Variants in CBL observed in about 807,000 individuals in gnomAD.
CBL encodes the protein Cbl proto-oncogene.
Under a neutral mutation model 96.9 loss-of-function variants are expected in CBL, and 45 were observed. That is an observed-to-expected ratio of 0.46 (90% CI 0.37 to 0.60). CBL has a LOEUF of 0.60. Among genes scored for constraint, CBL ranks in the 20% least tolerant of loss-of-function variants. The pLI, the probability that CBL is intolerant of heterozygous loss-of-function variation, is 0.00. For missense variants in CBL, 1,024 were observed against 1,143.5 expected, an observed-to-expected ratio of 0.90 and a Z score of 1.51; for synonymous variants, 420 against 426.8, an observed-to-expected ratio of 0.98 and a Z score of 0.20.
At chr11:119,234,462 C>T (rs1389211765) in intron 2 of CBL, among the ~76,000 whole-genome samples, 1 of 152,160 alleles carries the variant, frequency 6.6e-6, no homozygotes, top group Non-Finnish European at 1.5e-5. Flanking sequence ...GCTAACTAGT[C>T]ATTTTGTATT....
At chr11:119,252,524 T>A (rs1040825373) in intron 2 of CBL, among the ~76,000 whole-genome samples, 3 of 152,168 alleles carry the variant, frequency 2.0e-5, no homozygotes, top group African/African-American at 7.2e-5. Context: ...CAGGGCTTTT[T>A]AGGCCTATGT....
At chr11:119,230,240 C>T (rs541506361) in intron 1 of CBL, among the ~76,000 whole-genome samples, 1 of 152,050 alleles carries the variant, frequency 6.6e-6, no homozygotes, top group Non-Finnish European at 1.5e-5. Context: ...CAAGCTCCGC[C>T]TCCTGGGTTC....
chr11:119,295,913 AC>A (rs1414563223), intron 12 of CBL, among the ~76,000 whole-genome samples: 1 of 152,176 alleles, frequency 6.6e-6, no homozygotes, highest in Non-Finnish European at 1.5e-5. Flanking sequence ...AGATACCAAT[AC>A]ACTTCTGCCT....
rs779118601 is a variant in CBL at position 119,299,793 on chromosome 11, C to G, written c.*12C>G. ...ATGTAGCTACCTAGCACACCATCTC[C>G]CTGCTGCAGGTTTAGAGGACCAGTG... On this transcript the variant is annotated 3_prime_UTR_variant, in exon 16 of 16. Coordinates refer to ENST00000264033, the MANE Select transcript of CBL (RefSeq NM_005188.4). The G allele has an allele frequency of 6.2e-7, 1 of 1,613,430 alleles. No individual in the cohort carries two copies. The highest frequency in any genetic ancestry group is 1.3e-5 in the African/African-American group (1 of 74,930).
chr11:119,238,021 A>G (rs1002345712), intron 2 of CBL, among the ~76,000 whole-genome samples: 9 of 151,326 alleles, frequency 5.9e-5, no homozygotes, highest in Admixed American at 2.6e-4. Context: ...ACAGGTGTGC[A>G]CCAACAATCC....
intron 2 of CBL, among the ~76,000 whole-genome samples, chr11:119,263,758 A>G (rs932749731): frequency 1.3e-5 from 2 of 152,132 alleles, no homozygotes; most frequent in African/African-American, 4.8e-5. Flanking sequence ...GTTCCGTTGT[A>G]TCTATTTTTA....
In CBL at chr11:119,305,682, G is replaced by A. The variant is rs1236288302; in HGVS notation, c.*5901G>A. 1.3e-5 allele frequency: 3 copies of A among 224,956 alleles called. No homozygotes were observed. The highest frequency in any genetic ancestry group is 6.7e-5 in the African/African-American group (3 of 44,852). The allele number at this position is 224,956 out of a possible 1,614,324, so 13.9% of individuals were successfully genotyped here. ...GTTTAGGATAGAGTTTTTACCGAGA[G>A]CTCTTTAGACAGTATACCTGTGTCT... On this transcript the variant is annotated 3_prime_UTR_variant, in exon 16 of 16. Coordinates refer to ENST00000264033, the MANE Select transcript of CBL (RefSeq NM_005188.4).
At chr11:119,241,095 AAG>A (rs1344259720) in intron 2 of CBL, among the ~76,000 whole-genome samples, 2 of 152,100 alleles carry the variant, frequency 1.3e-5, no homozygotes, top group Non-Finnish European at 2.9e-5. Context: ...AAAAATAAAA[AAG>A]AATGTACATA....
chr11:119,228,584 C>T (rs1003460072), intron 1 of CBL, among the ~76,000 whole-genome samples: 7 of 148,250 alleles, frequency 4.7e-5, no homozygotes, highest in Middle Eastern at 3.5e-3. Flanking sequence ...CCAGCCTGAG[C>T]GACAAGAGCA....
intron 1 of CBL, among the ~76,000 whole-genome samples, chr11:119,212,307 A>T (rs1389803333): frequency 6.6e-6 from 1 of 152,200 alleles, no homozygotes; most frequent in African/African-American, 2.4e-5. Flanking sequence ...GCTTAAAAAA[A>T]ATTACATTTT....
rs540740007 is a variant in CBL at position 119,252,699 on chromosome 11, TACAAACAA to T, written c.444-19018_444-19011del. 7.4e-3 allele frequency among the ~76,000 whole-genome samples: 1,125 copies of T among 151,778 alleles called. 12 individuals carry two copies. Among genetic ancestry groups the T allele is most frequent in the African/African-American group, 0.022 (904 of 41,360 alleles). On this transcript the variant is annotated intron_variant, in intron 2 of 15. Transcript: ENST00000264033. ...GGTGAAACCCCATCTCTACCAAAAA[TACAAACAA>T]ACAAACAAACAAACAAAAAAACTTA...
At chr11:119,253,891 C>A (rs919463071) in intron 2 of CBL, among the ~76,000 whole-genome samples, 4 of 148,566 alleles carry the variant, frequency 2.7e-5, no homozygotes, top group African/African-American at 9.9e-5. Context: ...TGTTGGCTCA[C>A]GTTTGTAAGT....
intron 4 of CBL, among the ~76,000 whole-genome samples, chr11:119,274,456 A>G (rs1381233398): frequency 6.6e-6 from 1 of 152,230 alleles, no homozygotes; most frequent in Non-Finnish European, 1.5e-5. Flanking sequence ...TTTCTCTAAA[A>G]ATAATGCTTT....
intron 9 of CBL, 34 bp downstream of exon 9, chr11:119,278,747 A>G (rs780278549): frequency 1.3e-6 from 2 of 1,549,914 alleles, no homozygotes; most frequent in South Asian, 2.2e-5. Flanking sequence ...GGCAAAATCC[A>G]TTGTGAGTTG....
intron 2 of CBL, among the ~76,000 whole-genome samples, chr11:119,252,782 AG>A (rs11313748): frequency 1 from 151,955 of 151,956 alleles, 75,977 homozygotes; most frequent in Middle Eastern, 1. Flanking sequence ...GGGAGGGCTG[AG>A]GGCAGGAGAA....
intron 6 of CBL, among the ~76,000 whole-genome samples, chr11:119,277,241 GCACA>G (rs59099916): frequency 1.1e-3 from 167 of 146,492 alleles, no homozygotes; most frequent in African/African-American, 4.1e-3. Flanking sequence ...AATCTGTCGC[GCACA>G]CACACACACA....
chr11:119,286,025 G>A (rs1170139861), intron 11 of CBL, among the ~76,000 whole-genome samples: 1 of 152,190 alleles, frequency 6.6e-6, no homozygotes, highest in Non-Finnish European at 1.5e-5. Context: ...ATGGCTGGGC[G>A]TGGTGGCTCA....
intron 12 of CBL, among the ~76,000 whole-genome samples, chr11:119,292,301 C>T (rs1052384256): frequency 4.0e-5 from 6 of 151,892 alleles, no homozygotes; most frequent in Non-Finnish European, 7.4e-5. Flanking sequence ...TCTTTGTCCT[C>T]CTCTTCTGGG....
At chr11:119,227,772 A>T (rs1245105935) in intron 1 of CBL, among the ~76,000 whole-genome samples, 2 of 152,104 alleles carry the variant, frequency 1.3e-5, no homozygotes, top group African/African-American at 2.4e-5. Flanking sequence ...CTGGTGTCGA[A>T]CTCCTGACCT....
Sources: gnomAD v4.1 joint callset for allele counts (sites outside exome capture counted in the v4.1 genomes callset) on GRCh38, gnomAD v4.1.1 for gene constraint, MANE v1.5 for transcripts, NCBI Gene and HGNC (gene_info 2026-07-23, HGNC 2026-07-21) for gene names.